Variants in NOS3 observed in about 807,000 individuals in gnomAD.
NOS3 encodes NOS type III.
In NOS3, 98 loss-of-function variants were observed where a neutral mutation model predicts 144.9. The observed-to-expected ratio is 0.68, with a 90% confidence interval of 0.57 to 0.80. The LOEUF is 0.80. Among genes scored for constraint, NOS3 ranks in the 30% least tolerant of loss-of-function variants. The pLI is 0.00. For missense variants in NOS3, 1,465 were observed against 1,656.4 expected (o/e 0.88, Z 2.01); for synonymous variants, 714 against 702.4 (o/e 1.02, Z -0.26).
intron 4 of NOS3, 66 bp downstream of exon 4, chr7:150,996,618 C>A: frequency 6.6e-7 from 1 of 1,525,490 alleles, no homozygotes; most frequent in Admixed American, 1.8e-5. Context: ...CCGTGACGAC[C>A]TTCCCATGAC....
Position 151,007,189 on chromosome 7 carries a change from C to A in NOS3, c.2025C>A (p.Gly675=), listed in dbSNP as rs140717927. ...TGGACACACGGCTGGAGGAACTGGG[C>A]GGGGAGCGGCTGCTGCAGCTGGGCC... ...RAVDTRLEEL[G]GERLLQLGQG... Residue 675 remains glycine (G), a synonymous_variant, in exon 17 of 27, where the codon GGC becomes GGA. Coordinates refer to ENST00000297494, the MANE Select transcript of NOS3 (RefSeq NM_000603.5). The A allele has an allele frequency of 1.9e-6, 3 of 1,612,810 alleles. No individual in the cohort carries two copies. The highest frequency in any genetic ancestry group is 2.2e-5 in the East Asian group (1 of 44,880).
At position 151,014,193 on chromosome 7, in the gene NOS3, G is replaced by C; in HGVS notation, c.*24G>C. ...GAGAGCCGCCTGGCTTTCCCTTCCA[G>C]TTCCGGGAGAGCGGCTGCCCGACTC... On this transcript the variant is annotated 3_prime_UTR_variant, in exon 27 of 27. Transcript: ENST00000297494. 6.3e-7 allele frequency: 1 copy of C among 1,585,276 alleles called. No homozygotes were observed. The highest frequency in any genetic ancestry group is 1.1e-5 in the South Asian group (1 of 89,806).
chr7:151,005,132 G>A (rs1563225287), intron 14 of NOS3, among the ~76,000 whole-genome samples: 1 of 152,048 alleles, frequency 6.6e-6, no homozygotes, highest in Admixed American at 6.5e-5. Flanking sequence ...GAGCCACCAC[G>A]CCCAGCCACG....
chr7:151,012,212 T>TGG, intron 23 of NOS3, 139 bp from the exon 24 acceptor site: 4 of 683,922 alleles, frequency 5.8e-6, no homozygotes, highest in South Asian at 2.4e-5. Context: ...AGTAGAGTTG[T>TGG]TTTTTGTTTT....
Position 151,009,556 on chromosome 7 carries a change from C to A in NOS3, c.2483C>A (p.Ala828Glu). ...EDPPAPTEPV[A>E]VEQLEKGSPG... Reference sequence around the variant, plus strand: ...CCGCCGGCGCCCACTGAGCCCGTGGCAGTAGAGCAGCTGGAGAAGGGCAGC... The same window carrying A: ...CCGCCGGCGCCCACTGAGCCCGTGGAAGTAGAGCAGCTGGAGAAGGGCAGC... Residue 828 changes from alanine to glutamate, a missense_variant, in exon 20 of 27, where the codon GCA (alanine) becomes GAA (glutamate). Physicochemically the swap from Ala to Glu is moderately radical, Grantham distance 107. Transcript: ENST00000297494. 6.5e-7 allele frequency: 1 copy of A among 1,541,462 alleles called. No homozygotes were observed. The highest frequency in any genetic ancestry group is 1.2e-5 in the South Asian group (1 of 83,598).
At position 150,998,422 on chromosome 7, in the gene NOS3, G is replaced by A. The variant is rs1308063858; in HGVS notation, c.648G>A (p.Lys216=). The A allele has an allele frequency of 3.7e-6, 6 of 1,612,428 alleles. No individual in the cohort carries two copies. The highest frequency in any genetic ancestry group is 5.1e-6 in the Non-Finnish European group (6 of 1,179,882). ...TCACCTACATCTGCAACCACATCAA[G>A]TATGCCACCAACCGGGGCAACCTTC... ...EMFTYICNHI[K]YATNRGNLRS... The change falls in exon 6 of 27, where the codon AAG becomes AAA. Residue 216 remains lysine (K), a synonymous_variant. Transcript: ENST00000297494. This position sits in a 1 kb window ranked among gnomAD's most constrained non-coding sequence, Gnocchi z 5.0.
At chr7:151,009,693 C>T in intron 20 of NOS3, 108 bp downstream of exon 20, 1 of 923,020 alleles carries the variant, frequency 1.1e-6, no homozygotes, top group East Asian at 2.7e-5. Flanking sequence ...GTGGCCACCT[C>T]CTCCACAGCT....
In NOS3 at chr7:151,002,119, G is replaced by T; in HGVS notation, c.1648-81G>T. On this transcript the variant is annotated intron_variant, in intron 13 of 26. Coordinates refer to ENST00000297494, the MANE Select transcript of NOS3 (RefSeq NM_000603.5). This position sits in a 1 kb window ranked among gnomAD's most constrained non-coding sequence, Gnocchi z 4.1. ...GAGATCAAGTTGGGGCCTGAATCTT[G>T]CACTGCCAGGGAGGCCAGAGTGAGG... 7.1e-7 allele frequency: 1 copy of T among 1,400,550 alleles called. No homozygotes were observed. The allele number at this position is 1,400,550 out of a possible 1,614,324, so 86.8% of individuals were successfully genotyped here. A position where few individuals can be genotyped will look rare whatever the true frequency, so the allele number is the denominator to read the frequency against.
rs1485322008 is a variant in NOS3 at position 150,999,251 on chromosome 7, C to A, written c.1018C>A (p.Leu340Met). ...CGCCCTCCCGGCAGTGTCCAACATG[C>A]TGCTGGAAATTGGGGGCCTGGAGTT... Reference protein sequence around the residue: ...WYALPAVSNMLLEIGGLEFPA... With the variant: ...WYALPAVSNMMLEIGGLEFPA... Residue 340 changes from leucine to methionine, a missense_variant, in exon 9 of 27, where the codon CTG becomes ATG. Physicochemically the swap from Leu to Met is conservative, Grantham distance 15 (BLOSUM62 2). Transcript: ENST00000297494. 6.2e-7 allele frequency: 1 copy of A among 1,612,224 alleles called. No homozygotes were observed. The highest frequency in any genetic ancestry group is 1.3e-5 in the African/African-American group (1 of 75,042).
intron 2 of NOS3, among the ~76,000 whole-genome samples, chr7:150,994,779 A>T (rs556670102): frequency 1.3e-5 from 2 of 152,200 alleles, no homozygotes; most frequent in African/African-American, 4.8e-5. Context: ...CCCTTCACAC[A>T]TGGGGCTGCT....
intron 21 of NOS3, 80 bp from the exon 22 acceptor site, chr7:151,010,517 C>T (rs1174551080): frequency 2.2e-6 from 3 of 1,363,908 alleles, no homozygotes; most frequent in South Asian, 1.4e-5. Flanking sequence ...CCTAAAGAGG[C>T]TCAGTGGGGG....
rs1001840124 is a variant in NOS3 at position 151,014,450 on chromosome 7, T to C, written c.*281T>C. ...ACCCGCTTCCTGTTTCTTAGTCGAA[T>C]GTTAGATTCCTCTTGCCTCTCTCAG... On this transcript the variant is annotated 3_prime_UTR_variant, in exon 27 of 27. Transcript: ENST00000297494. 35 of 456,936 alleles carry C rather than the reference T, an allele frequency of 7.7e-5. No homozygotes were observed. The highest frequency in any genetic ancestry group is 5.7e-4 in the Middle Eastern group (1 of 1,758). 28.3% of individuals were successfully genotyped at this position (456,936 alleles called of 1,614,324 possible). A position where few individuals can be genotyped will look rare whatever the true frequency, so the allele number is the denominator to read the frequency against.
At position 151,003,903 on chromosome 7, in the gene NOS3, A is replaced by G. The variant is rs774042826; in HGVS notation, c.1752+1599A>G. ...CTTGGGCTGTTTCCAGGTCGGGGCTATTATGAATAAACCTGTTATGAACAT... is the reference window on the plus strand; with the variant it reads ...CTTGGGCTGTTTCCAGGTCGGGGCTGTTATGAATAAACCTGTTATGAACAT... On this transcript the variant is annotated intron_variant, in intron 14 of 26. Transcript: ENST00000297494. This position sits in a 1 kb window ranked among gnomAD's most constrained non-coding sequence, Gnocchi z 4.1. 2 of 359,530 alleles carry G rather than the reference A, an allele frequency of 5.6e-6. No homozygotes were observed. The highest frequency in any genetic ancestry group is 1.1e-5 in the Non-Finnish European group (2 of 181,404). 22.3% of individuals were successfully genotyped at this position (359,530 alleles called of 1,614,324 possible).
At chr7:151,000,672 G>C in intron 10 of NOS3, 73 bp downstream of exon 10, 3 of 987,580 alleles carry the variant, frequency 3.0e-6, no homozygotes, top group Non-Finnish European at 3.2e-6. Context: ...GGATGGAGGA[G>C]AGGCAGCCAT....
chr7:151,005,720 C>A (rs1378615874), intron 14 of NOS3, among the ~76,000 whole-genome samples: 1 of 152,214 alleles, frequency 6.6e-6, no homozygotes, highest in Non-Finnish European at 1.5e-5. Context: ...GTTCCCAGAC[C>A]ACCGAGCTGC....
rs957371517 is a variant in NOS3, at chr7:151,012,384, C to T, written c.3018C>T (p.Ser1006=). 37 of 1,590,718 alleles carry T rather than the reference C, an allele frequency of 2.3e-5. No individual in the cohort carries two copies. In the African/African-American group the frequency reaches 3.7e-4, roughly 16 times the overall value. Residue 1006 remains serine (S), a synonymous_variant, in exon 24 of 27, where the codon AGC becomes AGT. Coordinates refer to ENST00000297494, the MANE Select transcript of NOS3 (RefSeq NM_000603.5). ...APSFRLPPDP[S]LPCILVGPGT... Reference sequence around the variant, plus strand: ...CCTTCCGGCTGCCACCCGATCCCAGCTTGCCCTGCATCCTGGTGGGTCCAG... The same window carrying T: ...CCTTCCGGCTGCCACCCGATCCCAGTTTGCCCTGCATCCTGGTGGGTCCAG...
At chr7:151,011,889 A>T in intron 23 of NOS3, 1 of 408,038 alleles carries the variant, frequency 2.5e-6, no homozygotes. Flanking sequence ...CCGCTCTCGC[A>T]GCCAGGAACC....
rs755905128 is a variant in NOS3, at chr7:151,001,906, C to T, written c.1588C>T (p.Arg530Trp). 8.7e-6 allele frequency: 14 copies of T among 1,613,622 alleles called. No individual in the cohort carries two copies. The highest frequency in any genetic ancestry group is 3.3e-5 in the South Asian group (3 of 91,080). The change falls in exon 13 of 27, where the codon CGG becomes TGG. Residue 530 changes from arginine to tryptophan, a missense_variant. Transcript: ENST00000297494. ...ATILYGSETG[R>W]AQSYAQQLGR... The stretch of plus-strand genomic sequence containing the variant: ...AATCCTGTATGGCTCCGAGACCGGC[C>T]GGGCCCAGAGCTACGCACAGCAGCT...
intron 21 of NOS3, 87 bp downstream of exon 21, chr7:151,010,374 T>TC: frequency 7.5e-7 from 1 of 1,326,474 alleles, no homozygotes; most frequent in South Asian, 1.4e-5. Context: ...CCATGCAAAG[T>TC]CCCCCCTGGA....
Sources: allele counts gnomAD v4.1 joint callset (sites outside exome capture counted in the v4.1 genomes callset), GRCh38; gene constraint gnomAD v4.1.1; non-coding constraint Gnocchi (gnomAD v3.1); transcripts MANE v1.5; gene names NCBI Gene and HGNC (gene_info 2026-07-23, HGNC 2026-07-21).